The following MCPH1 variants were observed in gnomAD, a reference collection of about 807,000 sequenced individuals.
MCPH1 encodes the protein microcephalin 1, also known as microcephalin.
In MCPH1, 104 loss-of-function variants were observed where a neutral mutation model predicts 84.5. The ratio of observed to expected loss-of-function variants is 1.23; its 90% CI spans 1.05 to 1.45. MCPH1 has a LOEUF of 1.45. Ranked by LOEUF, MCPH1 falls within the 40% of genes most tolerant of loss-of-function variation. The pLI, the probability that MCPH1 is intolerant of heterozygous loss-of-function variation, is 0.00. For synonymous variants in MCPH1, 514 were observed against 366.8 expected (o/e 1.40, Z -4.58); for missense variants, 1,498 against 1,005.7 (o/e 1.49, Z -6.62).
intron 6 of MCPH1, among the ~76,000 whole-genome samples, chr8:6,439,975 C>G (rs75404635): frequency 6.6e-6 from 1 of 151,988 alleles, no homozygotes; most frequent in Non-Finnish European, 1.5e-5. Context: ...GAAAAAGATA[C>G]GGGTTTGGTT....
chr8:6,442,860 A>G (rs1377300942), intron 7 of MCPH1, among the ~76,000 whole-genome samples: 1 of 152,252 alleles, frequency 6.6e-6, no homozygotes, highest in Admixed American at 6.5e-5. Context: ...GCAAGATGGC[A>G]TCAAGATATT....
At chr8:6,541,214 T>A (rs1048171148) in intron 12 of MCPH1, among the ~76,000 whole-genome samples, 1 of 152,180 alleles carries the variant, frequency 6.6e-6, no homozygotes, top group African/African-American at 2.4e-5. Flanking sequence ...ACCAGAGGGT[T>A]TCCCTGACAC....
Position 6,503,336 on chromosome 8 carries a change from C to G in MCPH1, c.2214+3407C>G, listed in dbSNP as rs1812579055. The G allele has an allele frequency of 9.8e-6, 15 of 1,537,552 alleles. No individual in the cohort carries two copies. The East Asian group carries it at 3.4e-4, about 35-fold the overall frequency. ...CCACCACGAAGACAGCAATACTCAG[C>G]TAAGGCAGGAGGCACACTGCAGGCG... On this transcript the variant is annotated intron_variant, in intron 12 of 13. Coordinates refer to ENST00000344683, the MANE Select transcript of MCPH1 (RefSeq NM_024596.5).
intron 3 of MCPH1, among the ~76,000 whole-genome samples, chr8:6,418,218 C>G (rs1449611633): frequency 6.6e-6 from 1 of 152,090 alleles, no homozygotes; most frequent in Non-Finnish European, 1.5e-5. Flanking sequence ...GAGGCCGGAG[C>G]TTCTGCTTGA....
intron 12 of MCPH1, among the ~76,000 whole-genome samples, chr8:6,589,775 C>G (rs1448812194): frequency 6.6e-6 from 1 of 152,174 alleles, no homozygotes; most frequent in Admixed American, 6.5e-5. Context: ...TGCCAAAGAC[C>G]TGTTGATTTC....
chr8:6,457,823 T>C (rs1445913847), intron 9 of MCPH1, among the ~76,000 whole-genome samples: 1 of 152,118 alleles, frequency 6.6e-6, no homozygotes, highest in Non-Finnish European at 1.5e-5. Context: ...CCAGTCCTTA[T>C]TAGTGTTCAC....
At chr8:6,619,200 G>T (rs59798994) in intron 12 of MCPH1, 2,298 of 152,238 alleles carry the variant, frequency 0.015, 54 homozygotes, top group African/African-American at 0.052. Flanking sequence ...AGAAGTCTTT[G>T]TTCTGCCAAT....
At chr8:6,473,618 A>G (rs1478164880) in intron 9 of MCPH1, among the ~76,000 whole-genome samples, 1 of 152,128 alleles carries the variant, frequency 6.6e-6, no homozygotes, top group Non-Finnish European at 1.5e-5. Flanking sequence ...GGCGTGAGCC[A>G]CCGCGCCCAG....
chr8:6,456,299 G>C (rs192354204), intron 9 of MCPH1, among the ~76,000 whole-genome samples: 7 of 152,240 alleles, frequency 4.6e-5, no homozygotes, highest in African/African-American at 1.4e-4. Flanking sequence ...ATGGCGTTGC[G>C]CACTGTGACT....
intron 12 of MCPH1, among the ~76,000 whole-genome samples, chr8:6,538,939 G>C (rs1296635538): frequency 2.0e-5 from 3 of 152,192 alleles, no homozygotes; most frequent in Non-Finnish European, 4.4e-5. Flanking sequence ...TTGGTTCCCT[G>C]TCATGAGGAA....
chr8:6,599,097 A>C (rs1366512517), intron 12 of MCPH1, among the ~76,000 whole-genome samples: 2 of 152,196 alleles, frequency 1.3e-5, no homozygotes, highest in Admixed American at 6.5e-5. Flanking sequence ...CGCGCCTGGG[A>C]AGTGGGAATG....
chr8:6,417,508 T>G (rs1248906498), intron 3 of MCPH1, among the ~76,000 whole-genome samples: 1 of 152,220 alleles, frequency 6.6e-6, no homozygotes, highest in Non-Finnish European at 1.5e-5. Context: ...TTCTTCTTCA[T>G]TATTGTTCAG....
intron 4 of MCPH1, among the ~76,000 whole-genome samples, chr8:6,433,159 A>G (rs1180790843): frequency 1.3e-5 from 2 of 152,186 alleles, no homozygotes; most frequent in East Asian, 1.9e-4. Flanking sequence ...ATTGCATTAT[A>G]CATTGTGACT....
chr8:6,415,756 T>G (rs561963184), intron 3 of MCPH1, among the ~76,000 whole-genome samples: 2 of 152,310 alleles, frequency 1.3e-5, no homozygotes, highest in South Asian at 4.1e-4. Flanking sequence ...CTATTTTGAT[T>G]TGAGTTCCTT....
chr8:6,451,757 A>C (rs758607708), intron 8 of MCPH1, among the ~76,000 whole-genome samples: 1 of 152,160 alleles, frequency 6.6e-6, no homozygotes. Context: ...TGCATACTAC[A>C]TTGTAAAATA....
rs942042750 is a variant in MCPH1 at position 6,444,453 on chromosome 8, G to A, written c.731G>A (p.Cys244Tyr). The change falls in exon 8 of 14, where the codon TGT becomes TAT. Residue 244 changes from cysteine (C) to tyrosine (Y), a missense_variant. Transcript: ENST00000344683. The stretch of plus-strand genomic sequence containing the variant: ...GATGATCTTTGTGGAAACTCAGGAT[G>A]TGGAAATCAGGAAAGGAAGTTGGAA... ...SFDDLCGNSG[C>Y]GNQERKLEGS... 6.2e-7 allele frequency: 1 copy of A among 1,614,060 alleles called. No individual in the cohort carries two copies. Among genetic ancestry groups the A allele is most frequent in the African/African-American group, 1.3e-5 (1 of 74,934 alleles).
chr8:6,429,847 C>G (rs1801585386), intron 3 of MCPH1, among the ~76,000 whole-genome samples: 2 of 152,118 alleles, frequency 1.3e-5, no homozygotes, highest in African/African-American at 4.8e-5. Context: ...AGTGATCTGC[C>G]CACGACCCCT....
At chr8:6,542,776 T>C (rs895380634) in intron 12 of MCPH1, among the ~76,000 whole-genome samples, 14 of 152,156 alleles carry the variant, frequency 9.2e-5, no homozygotes, top group African/African-American at 3.4e-4. Flanking sequence ...GGAGGTAGCA[T>C]GATCATCTCT....
At chr8:6,424,772 C>A (rs1049064499) in intron 3 of MCPH1, among the ~76,000 whole-genome samples, 16 of 152,216 alleles carry the variant, frequency 1.1e-4, no homozygotes, top group African/African-American at 3.9e-4. Context: ...TAGTGCTAGA[C>A]CACAGAAGTT....
Sources: gnomAD v4.1 joint callset for allele counts (sites outside exome capture counted in the v4.1 genomes callset) on GRCh38, gnomAD v4.1.1 for gene constraint, MANE v1.5 for transcripts, NCBI Gene and HGNC (gene_info 2026-07-23, HGNC 2026-07-21) for gene names.